The following VCF1 variants were observed in gnomAD, a reference collection of about 807,000 sequenced individuals.
The protein encoded by VCF1 is protein VCF1.
chr17:73,214,847 GAGA>G, the VCF1 span, among the ~76,000 whole-genome samples: 2 of 152,244 alleles, frequency 1.3e-5, no homozygotes, highest in Non-Finnish European at 2.9e-5. Flanking sequence ...CTTTGGGACT[GAGA>G]AGGACCATCA....
the VCF1 span, among the ~76,000 whole-genome samples, chr17:73,222,197 CA>C: frequency 1.3e-3 from 160 of 126,012 alleles, no homozygotes; most frequent in Middle Eastern, 4.2e-3. Context: ...GACCCTGTCT[CA>C]AAAAAAAAAA....
At chr17:73,213,014 G>C in the VCF1 span, among the ~76,000 whole-genome samples, 48 of 152,270 alleles carry the variant, frequency 3.2e-4, no homozygotes, top group East Asian at 1.3e-3. Flanking sequence ...GGGAGGCTGA[G>C]ATGGGCAGAT....
the VCF1 span, among the ~76,000 whole-genome samples, chr17:73,230,174 G>A: frequency 9.9e-5 from 15 of 151,932 alleles, no homozygotes. Context: ...GCTCACACCT[G>A]TGCTCCAGCT....
chr17:73,222,315 C>T, the VCF1 span, among the ~76,000 whole-genome samples: 1 of 151,198 alleles, frequency 6.6e-6, no homozygotes, highest in African/African-American at 2.4e-5. Flanking sequence ...TCAATTCAAG[C>T]ACTAATCAGA....
At chr17:73,224,960 G>GACAGCACAGC in the VCF1 span, among the ~76,000 whole-genome samples, 228 of 47,176 alleles carry the variant, frequency 4.8e-3, 5 homozygotes, top group South Asian at 0.017. Flanking sequence ...CACAGGACAG[G>GACAGCACAGC]ACAGCACAGC....
chr17:73,213,477 ATCAGTTGAT>A, the VCF1 span, among the ~76,000 whole-genome samples: 5 of 152,248 alleles, frequency 3.3e-5, no homozygotes, highest in African/African-American at 1.2e-4. Flanking sequence ...TATATAGTAT[ATCAGTTGAT>A]TCTTAAAATG....
chr17:73,224,909 GGA>G, the VCF1 span, among the ~76,000 whole-genome samples: 3 of 150,062 alleles, frequency 2.0e-5, no homozygotes, highest in Non-Finnish European at 4.4e-5. Flanking sequence ...GGACAGGACA[GGA>G]CAGGACAGGA....
the VCF1 span, chr17:73,232,171 T>C: frequency 3.9e-5 from 62 of 1,609,574 alleles, 1 homozygote; most frequent in Middle Eastern, 1.3e-3. Flanking sequence ...GAGGGGGTTG[T>C]GTTTCGGCGG....
the VCF1 span, among the ~76,000 whole-genome samples, chr17:73,213,038 G>T: frequency 6.6e-6 from 1 of 152,100 alleles, no homozygotes. Flanking sequence ...GAGGTCAAGA[G>T]ATCGAGACCT....
chr17:73,222,829 G>A, the VCF1 span, among the ~76,000 whole-genome samples: 1 of 151,780 alleles, frequency 6.6e-6, no homozygotes, highest in Non-Finnish European at 1.5e-5. Context: ...GCTGCTCCTG[G>A]ATATATTTAG....
At chr17:73,231,824 G>A in the VCF1 span, among the ~76,000 whole-genome samples, 591 of 151,746 alleles carry the variant, frequency 3.9e-3, 6 homozygotes, top group African/African-American at 0.013. Context: ...ATCACACTTC[G>A]TTCCAAATAG....
chr17:73,211,993 C>T, the VCF1 span, among the ~76,000 whole-genome samples: 4 of 152,020 alleles, frequency 2.6e-5, no homozygotes, highest in African/African-American at 7.2e-5. Flanking sequence ...ATTGCACCAC[C>T]GCACTCCAGC....
the VCF1 span, among the ~76,000 whole-genome samples, chr17:73,228,382 G>C: frequency 2.0e-5 from 3 of 152,232 alleles, no homozygotes; most frequent in South Asian, 6.2e-4. Flanking sequence ...GAGTAGGGTG[G>C]CTTACAGTGG....
the VCF1 span, among the ~76,000 whole-genome samples, chr17:73,220,706 A>G: frequency 3.3e-5 from 5 of 150,666 alleles, no homozygotes; most frequent in African/African-American, 1.2e-4. Flanking sequence ...CTGTCTCCCA[A>G]AGTGCTGGGA....
chr17:73,227,361 C>T, the VCF1 span: 1 of 1,052,220 alleles, frequency 9.5e-7, no homozygotes, highest in South Asian at 1.8e-5. Context: ...AATTTGCCCT[C>T]TGGCCTGAGA....
chr17:73,207,830 C>T, the VCF1 span: 1 of 1,278,758 alleles, frequency 7.8e-7, no homozygotes, highest in Non-Finnish European at 1.0e-6. Flanking sequence ...TATTGTTAGA[C>T]ACAATATTAG....
chr17:73,216,325 G>C, the VCF1 span, among the ~76,000 whole-genome samples: 4 of 152,204 alleles, frequency 2.6e-5, no homozygotes, highest in Non-Finnish European at 5.9e-5. Flanking sequence ...GCAGACAGCA[G>C]GTGTTTGGGA....
the VCF1 span, among the ~76,000 whole-genome samples, chr17:73,225,451 CT>C: frequency 0.067 from 10,053 of 151,062 alleles, 412 homozygotes; most frequent in Non-Finnish European, 0.086. Context: ...CAATTTCTTT[CT>C]TTTTTTTTAA....
At chr17:73,225,535 G>GA in the VCF1 span, among the ~76,000 whole-genome samples, 3 of 151,104 alleles carry the variant, frequency 2.0e-5, no homozygotes, top group South Asian at 2.1e-4. Context: ...GCAGATACGG[G>GA]AAAAAAACGT....
Sources: gnomAD v4.1 joint callset for allele counts (sites outside exome capture counted in the v4.1 genomes callset) on GRCh38, gnomAD v4.1.1 for gene constraint, MANE v1.5 for transcripts, NCBI Gene and HGNC (gene_info 2026-07-23, HGNC 2026-07-21) for gene names.